The following FIG4 variants were observed in gnomAD, a reference collection of about 807,000 sequenced individuals.
FIG4 encodes polyphosphoinositide phosphatase.
Under a neutral mutation model 118.6 loss-of-function variants are expected in FIG4, and 112 were observed. That is an observed-to-expected ratio of 0.94 (90% CI 0.81 to 1.11). The LOEUF is 1.11. Ranked by LOEUF, FIG4 falls within the 50% of genes least tolerant of loss-of-function variation. FIG4 has a pLI of 0.00. For synonymous variants in FIG4, 369 were observed against 381.2 expected, an observed-to-expected ratio of 0.97 and a Z score of 0.37; for missense variants, 969 against 1,111.7, an observed-to-expected ratio of 0.87 and a Z score of 1.83.
chr6:109,769,914 C>T (rs1777407615), intron 15 of FIG4, among the ~76,000 whole-genome samples: 1 of 152,094 alleles, frequency 6.6e-6, no homozygotes, highest in African/African-American at 2.4e-5. Flanking sequence ...GTGAGACTGT[C>T]TCTCAAAAAA....
chr6:109,797,954 G>A (rs1270306231), intron 22 of FIG4, among the ~76,000 whole-genome samples: 1 of 151,408 alleles, frequency 6.6e-6, no homozygotes, highest in Non-Finnish European at 1.5e-5. Context: ...GTATATGTGA[G>A]GCATCTAGAT....
intron 22 of FIG4, among the ~76,000 whole-genome samples, chr6:109,802,701 A>G (rs555282913): frequency 3.3e-5 from 5 of 152,158 alleles, no homozygotes; most frequent in Non-Finnish European, 7.4e-5. Context: ...AATGAAAGAC[A>G]TGTGAATGAC....
At chr6:109,780,691 G>A (rs1418501262) in intron 16 of FIG4, among the ~76,000 whole-genome samples, 2 of 152,116 alleles carry the variant, frequency 1.3e-5, no homozygotes, top group Non-Finnish European at 2.9e-5. Flanking sequence ...CTTATACTGT[G>A]TTTATCAATG....
At chr6:109,819,080 A>G (rs1250666417) in intron 22 of FIG4, among the ~76,000 whole-genome samples, 1 of 152,330 alleles carries the variant, frequency 6.6e-6, no homozygotes, top group East Asian at 1.9e-4. Flanking sequence ...TTCAAAGTCC[A>G]GGATCTCTGG....
At chr6:109,753,935 T>G (rs1448574479) in intron 10 of FIG4, among the ~76,000 whole-genome samples, 1 of 152,216 alleles carries the variant, frequency 6.6e-6, no homozygotes, top group Non-Finnish European at 1.5e-5. Flanking sequence ...CTTTATTTCC[T>G]TCTCCTGCCT....
chr6:109,782,130 G>C (rs898591802), intron 16 of FIG4, among the ~76,000 whole-genome samples: 1 of 152,136 alleles, frequency 6.6e-6, no homozygotes, highest in Non-Finnish European at 1.5e-5. Context: ...AAAGAAAAGA[G>C]AATCTGACTT....
In FIG4 at chr6:109,791,478, C is replaced by T; in HGVS notation, c.2283C>T (p.Asp761=). 6.2e-7 allele frequency: 1 copy of T among 1,614,018 alleles called. No homozygotes were observed. Among genetic ancestry groups the T allele is most frequent in the Non-Finnish European group, 8.5e-7 (1 of 1,180,016 alleles). Residue 761 remains aspartate (D), a synonymous_variant, in exon 20 of 23, where the codon GAC becomes GAT. Transcript: ENST00000230124. ...CTGTGTCCAGCAGCTCTGAGGATGA[C>T]TCTGGGACTGATCGGGAAGAAGAGG... is the stretch of plus-strand genomic sequence containing the variant. ...EEAVSSSSED[D]SGTDREEEGS... is the part of the protein sequence containing the mutation.
chr6:109,798,550 A>G (rs1381577529), intron 22 of FIG4, among the ~76,000 whole-genome samples: 4 of 152,184 alleles, frequency 2.6e-5, no homozygotes, highest in African/African-American at 9.7e-5. Flanking sequence ...CTGGGGATGT[A>G]AATGCTCATG....
At chr6:109,786,221 C>T (rs1184649240) in intron 17 of FIG4, 81 bp from the exon 18 acceptor site, 3 of 1,285,550 alleles carry the variant, frequency 2.3e-6, no homozygotes, top group Non-Finnish European at 3.3e-6. Context: ...ACAGTGCTGT[C>T]TGTGAACACA....
chr6:109,809,715 G>A (rs1008358216), intron 22 of FIG4, among the ~76,000 whole-genome samples: 2 of 152,160 alleles, frequency 1.3e-5, no homozygotes, highest in Non-Finnish European at 2.9e-5. Flanking sequence ...AAGGAATTCA[G>A]GAAGCAAATG....
intron 12 of FIG4, among the ~76,000 whole-genome samples, chr6:109,763,286 C>G (rs1447079981): frequency 6.6e-6 from 1 of 152,234 alleles, no homozygotes; most frequent in South Asian, 2.1e-4. Flanking sequence ...CAGACATTGG[C>G]CAAGGGCCAA....
chr6:109,734,427 G>A (rs1184072749), intron 5 of FIG4, among the ~76,000 whole-genome samples: 1 of 149,464 alleles, frequency 6.7e-6, no homozygotes, highest in East Asian at 1.9e-4. Context: ...ATTTATATAT[G>A]CATATTTATA....
intron 22 of FIG4, among the ~76,000 whole-genome samples, chr6:109,822,931 A>AT (rs1562703102): frequency 6.7e-6 from 1 of 150,246 alleles, no homozygotes; most frequent in East Asian, 2.0e-4. Context: ...TATACACCAT[A>AT]TCTCATCTAC....
chr6:109,709,803 T>C (rs1775202414), intron 1 of FIG4, among the ~76,000 whole-genome samples: 1 of 152,194 alleles, frequency 6.6e-6, no homozygotes, highest in African/African-American at 2.4e-5. Flanking sequence ...TTTTTGCACA[T>C]TGATTTTGTG....
intron 19 of FIG4, 137 bp downstream of exon 19, chr6:109,789,814 T>C (rs1276930212): frequency 5.8e-6 from 4 of 686,668 alleles, no homozygotes; most frequent in African/African-American, 5.4e-5. Flanking sequence ...AGGTGTTCAA[T>C]ACTGAAAGTA....
intron 10 of FIG4, among the ~76,000 whole-genome samples, chr6:109,754,851 A>G (rs202029312): frequency 2.6e-5 from 4 of 151,948 alleles, no homozygotes; most frequent in East Asian, 1.9e-4. Context: ...TCTTGCTAGC[A>G]GTCTATCAAT....
chr6:109,742,914 CCTT>C (rs1218622688), intron 8 of FIG4, among the ~76,000 whole-genome samples, 193 bp from the exon 9 acceptor site: 3 of 151,678 alleles, frequency 2.0e-5, no homozygotes, highest in Non-Finnish European at 4.4e-5. Context: ...CTTTTAATTG[CCTT>C]CTTTATTATA....
At chr6:109,763,830 T>G (rs1344000740) in intron 12 of FIG4, 107 bp from the exon 13 acceptor site, 13 of 798,168 alleles carry the variant, frequency 1.6e-5, no homozygotes, top group Non-Finnish European at 2.6e-5. Flanking sequence ...TTCAGGAGCC[T>G]TCAGCTCTAT....
intron 1 of FIG4, among the ~76,000 whole-genome samples, chr6:109,714,664 T>C (rs961507890): frequency 1.3e-5 from 2 of 152,238 alleles, no homozygotes; most frequent in Non-Finnish European, 2.9e-5. Flanking sequence ...TTGTAAGTAG[T>C]TTTTTGATAA....
Sources: allele counts gnomAD v4.1 joint callset (sites outside exome capture counted in the v4.1 genomes callset), GRCh38; gene constraint gnomAD v4.1.1; transcripts MANE v1.5; gene names NCBI Gene and HGNC (gene_info 2026-07-23, HGNC 2026-07-21).